The following KCNQ5 variants were observed in gnomAD, a reference collection of about 807,000 sequenced individuals.
KCNQ5 encodes potassium voltage-gated channel subfamily Q member 5.
Under a neutral mutation model 98.2 loss-of-function variants are expected in KCNQ5, and 30 were observed. That is an observed-to-expected ratio of 0.31 (90% CI 0.23 to 0.41). KCNQ5 has a LOEUF of 0.41. Among genes scored for constraint, KCNQ5 ranks in the 10% least tolerant of loss-of-function variants. KCNQ5 has a pLI of 1.00. For missense variants in KCNQ5, 835 were observed against 1,182.5 expected (o/e 0.71, Z 4.31); for synonymous variants, 458 against 449.4 (o/e 1.02, Z -0.24).
chr6:73,165,240 C>A (rs1777749352), intron 10 of KCNQ5, among the ~76,000 whole-genome samples: 1 of 152,116 alleles, frequency 6.6e-6, no homozygotes, highest in Non-Finnish European at 1.5e-5. Context: ...CCTGCCCCAG[C>A]CTCCCAAAGT....
chr6:73,063,721 T>TAGATGATAGATA lies in KCNQ5; in HGVS notation c.617-13601_617-13600insAGATGATAGATA, dbSNP rs1554203585. 7.7e-3 allele frequency among the ~76,000 whole-genome samples: 738 copies of TAGATGATAGATA among 95,942 alleles called. 5 individuals are homozygous for TAGATGATAGATA. The highest frequency in any genetic ancestry group is 0.015 in the East Asian group (51 of 3,448). 62.9% of individuals were successfully genotyped at this position (95,942 alleles called of 152,430 possible). ...ATAGATAGATAGATAGATAGATAGA[T>TAGATGATAGATA]GATAGATAGATAGATAGATAGATAG... On this transcript the variant is annotated intron_variant, in intron 3 of 13. Coordinates refer to ENST00000370398, the MANE Select transcript of KCNQ5 (RefSeq NM_019842.4).
intron 1 of KCNQ5, among the ~76,000 whole-genome samples, chr6:72,842,345 A>G (rs1434989440): frequency 6.6e-6 from 1 of 152,214 alleles, no homozygotes; most frequent in African/African-American, 2.4e-5. Flanking sequence ...AGCAATAGGA[A>G]TGATAAAAAG....
chr6:73,085,731 G>A (rs896869057), intron 5 of KCNQ5, among the ~76,000 whole-genome samples: 2 of 152,088 alleles, frequency 1.3e-5, no homozygotes, highest in Non-Finnish European at 2.9e-5. Context: ...AAGAAAGCAG[G>A]CACTCTTTTC....
At chr6:72,697,860 T>G (rs1768581659) in intron 1 of KCNQ5, among the ~76,000 whole-genome samples, 1 of 152,196 alleles carries the variant, frequency 6.6e-6, no homozygotes, top group Non-Finnish European at 1.5e-5. Context: ...AAATATCAAT[T>G]TATATACCTT....
At chr6:72,741,396 A>G (rs1245432668) in intron 1 of KCNQ5, among the ~76,000 whole-genome samples, 1 of 152,204 alleles carries the variant, frequency 6.6e-6, no homozygotes, top group African/African-American at 2.4e-5. Context: ...CCAAAGGTGA[A>G]GAGACTTTCT....
rs565004174 is a variant in KCNQ5 at position 72,927,318 on chromosome 6, A to T, written c.399-76590A>T. 6.6e-5 allele frequency among the ~76,000 whole-genome samples: 10 copies of T among 152,202 alleles called. No individual in the cohort carries two copies. In the East Asian group the frequency reaches 1.5e-3, roughly 24 times the overall value. On this transcript the variant is annotated intron_variant, in intron 1 of 13. Transcript: ENST00000370398. ...ATATTTCAACTATGACAAGCTTCAA[A>T]TTTTTTTCAGAAAATATGACTTGTT...
At chr6:72,892,257 C>G (rs1246573396) in intron 1 of KCNQ5, among the ~76,000 whole-genome samples, 3 of 152,186 alleles carry the variant, frequency 2.0e-5, no homozygotes, top group African/African-American at 7.2e-5. Context: ...AGCAGCATCA[C>G]TTTATGCACA....
intron 1 of KCNQ5, among the ~76,000 whole-genome samples, chr6:72,946,912 A>G (rs1176712029): frequency 6.6e-6 from 1 of 152,208 alleles, no homozygotes; most frequent in African/African-American, 2.4e-5. Context: ...GAGTTTCACA[A>G]TGAGTTGTGT....
At chr6:72,994,527 G>A (rs2150313449) in intron 1 of KCNQ5, among the ~76,000 whole-genome samples, 4 of 144,426 alleles carry the variant, frequency 2.8e-5, no homozygotes, top group African/African-American at 1.0e-4. Context: ...CTCGCGCACG[G>A]TGCGCACACA....
intron 1 of KCNQ5, among the ~76,000 whole-genome samples, chr6:72,841,403 C>T (rs780392369): frequency 3.9e-5 from 6 of 152,048 alleles, no homozygotes; most frequent in African/African-American, 1.4e-4. Context: ...TTCCTTATTA[C>T]GTCATAGGTA....
chr6:73,035,006 C>A (rs9446826), intron 2 of KCNQ5, among the ~76,000 whole-genome samples: 73 of 151,884 alleles, frequency 4.8e-4, no homozygotes, highest in South Asian at 3.5e-3. Flanking sequence ...CCACCACACC[C>A]AGCTAATTTT....
chr6:72,696,956 A>G (rs976520159), intron 1 of KCNQ5, among the ~76,000 whole-genome samples: 1 of 152,214 alleles, frequency 6.6e-6, no homozygotes, highest in East Asian at 1.9e-4. Flanking sequence ...GATGAAGATA[A>G]TCAGTTTACT....
chr6:73,034,568 A>G (rs542865058), intron 2 of KCNQ5, among the ~76,000 whole-genome samples: 3 of 152,374 alleles, frequency 2.0e-5, no homozygotes, highest in Non-Finnish European at 4.4e-5. Context: ...CAACTGGTAC[A>G]TGAGCTTTTA....
chr6:72,783,383 TA>T (rs1773582175), intron 1 of KCNQ5, among the ~76,000 whole-genome samples: 1 of 152,178 alleles, frequency 6.6e-6, no homozygotes. Context: ...AATGACCTTA[TA>T]ATATAGTAAT....
intron 1 of KCNQ5, among the ~76,000 whole-genome samples, chr6:72,945,714 C>T (rs1766512493): frequency 6.6e-6 from 1 of 152,078 alleles, no homozygotes; most frequent in African/African-American, 2.4e-5. Context: ...CTCGGCCTCC[C>T]AAAGTGCTGG....
At chr6:72,904,554 G>T (rs2150198057) in intron 1 of KCNQ5, among the ~76,000 whole-genome samples, 1 of 152,254 alleles carries the variant, frequency 6.6e-6, no homozygotes, top group Admixed American at 6.5e-5. Context: ...TCTTGTAGTG[G>T]TGGCTAGTAG....
intron 1 of KCNQ5, among the ~76,000 whole-genome samples, chr6:72,930,397 C>T (rs533934613): frequency 6.6e-6 from 1 of 151,862 alleles, no homozygotes; most frequent in Admixed American, 6.6e-5. Context: ...AAGACTGATC[C>T]TTCATTTGGC....
At chr6:73,125,159 TC>T (rs574809272) in intron 9 of KCNQ5, among the ~76,000 whole-genome samples, 58 of 151,052 alleles carry the variant, frequency 3.8e-4, no homozygotes, top group African/African-American at 1.3e-3. Context: ...AAGAGCCCCA[TC>T]CCCATCTTTT....
chr6:73,139,682 G>A (rs186997510), intron 10 of KCNQ5, among the ~76,000 whole-genome samples: 1 of 152,262 alleles, frequency 6.6e-6, no homozygotes, highest in East Asian at 1.9e-4. Flanking sequence ...GAAAGGCAAA[G>A]TGGGTAAAGG....
Sources: gnomAD v4.1 joint callset for allele counts (sites outside exome capture counted in the v4.1 genomes callset) on GRCh38, gnomAD v4.1.1 for gene constraint, MANE v1.5 for transcripts, NCBI Gene and HGNC (gene_info 2026-07-23, HGNC 2026-07-21) for gene names.